The following FAM131C variants were observed in gnomAD, a reference collection of about 807,000 sequenced individuals.
FAM131C encodes the protein protein FAM131C.
FAM131C carries 14 observed loss-of-function variants against 29.8 expected under a neutral mutation model. The ratio of observed to expected loss-of-function variants is 0.47; its 90% CI spans 0.31 to 0.73. FAM131C has a LOEUF of 0.73. Among genes scored for constraint, FAM131C ranks in the 30% least tolerant of loss-of-function variants. The pLI, the probability that FAM131C is intolerant of heterozygous loss-of-function variation, is 0.05. For missense variants in FAM131C, 252 were observed against 383.8 expected (o/e 0.66, Z 2.87); for synonymous variants, 86 against 157.8 (o/e 0.54, Z 3.41).
chr1:16,063,587 G>T lies in FAM131C; in HGVS notation c.72C>A (p.Asp24Glu), dbSNP rs957660867. ...CCGAGGGCAGATCTGGGTTCAAGGG[G>T]TCCGCACCCTGGGGCATGGGGCAGT... ...HKNCPMPQGA[D>E]PLNPDLPSGR... The change falls in exon 2 of 7, where the codon GAC becomes GAA. Residue 24 changes from aspartate to glutamate, a missense_variant. Asp to Glu is a conservative substitution (Grantham distance 45). This residue lies in a region of FAM131C where 76 missense variants were observed against 62.8 expected (regional missense o/e 1.21). Transcript: ENST00000375662. 3.1e-6 allele frequency: 5 copies of T among 1,613,820 alleles called. No homozygotes were observed. Among genetic ancestry groups the T allele is most frequent in the African/African-American group, 2.7e-5 (2 of 75,020 alleles).
chr1:16,071,339 C>T (rs2023747065), intron 1 of FAM131C, among the ~76,000 whole-genome samples: 1 of 152,178 alleles, frequency 6.6e-6, no homozygotes, highest in African/African-American at 2.4e-5. Flanking sequence ...GCTGTGTGGC[C>T]CTGGACAAGT....
At position 16,062,123 on chromosome 1, in the gene FAM131C, C is replaced by T. The variant is rs2023603817; in HGVS notation, c.244G>A (p.Ala82Thr). 1 of 1,611,712 alleles carries T rather than the reference C, an allele frequency of 6.2e-7. No individual in the cohort carries two copies. The highest frequency in any genetic ancestry group is 1.1e-5 in the South Asian group (1 of 90,942). Residue 82 changes from alanine (A) to threonine (T), a missense_variant, in exon 4 of 7, where the codon GCC becomes ACC. By Grantham distance (58) the Ala-to-Thr change is moderately conservative. Coordinates refer to ENST00000375662, the MANE Select transcript of FAM131C (RefSeq NM_182623.3). ...CCCACAAGGGACGAGGTGGCCAGGGCTGCCACGTTGTAGTTGCCGGGGCGG... is the reference window on the plus strand; with the variant it reads ...CCCACAAGGGACGAGGTGGCCAGGGTTGCCACGTTGTAGTTGCCGGGGCGG... ...RSRPGNYNVA[A>T]LATSSLVGVV...
At chr1:16,070,914 C>T (rs889197753) in intron 1 of FAM131C, among the ~76,000 whole-genome samples, 1 of 152,242 alleles carries the variant, frequency 6.6e-6, no homozygotes, top group Admixed American at 6.5e-5. Flanking sequence ...ACTAGGCAGA[C>T]GCTAACTGCT....
chr1:16,060,016 G>C lies in FAM131C; in HGVS notation c.304C>G (p.Pro102Ala), dbSNP rs753763728. 1 of 1,519,022 alleles carries C rather than the reference G, an allele frequency of 6.6e-7. No homozygotes were observed. The highest frequency in any genetic ancestry group is 8.9e-7 in the Non-Finnish European group (1 of 1,119,026). 94.1% of individuals were successfully genotyped at this position (1,519,022 alleles called of 1,614,324 possible). The change falls in exon 5 of 7, where the codon CCC (proline) becomes GCC (alanine). Residue 102 changes from proline to alanine, a missense_variant. By Grantham distance (27) the Pro-to-Ala change is conservative. Transcript: ENST00000375662. ...ACGCGGCCTCGGGCCATGGCCGTGGGCTTTGTGATGTGGTCCTTGATGCTC... is the reference window on the plus strand; with the variant it reads ...ACGCGGCCTCGGGCCATGGCCGTGGCCTTTGTGATGTGGTCCTTGATGCTC... The part of the protein sequence containing the change: ...VQSIKDHITK[P>A]TAMARGRVAH...
intron 1 of FAM131C, among the ~76,000 whole-genome samples, chr1:16,068,579 G>A (rs769503379): frequency 6.6e-6 from 1 of 152,244 alleles, no homozygotes; most frequent in Non-Finnish European, 1.5e-5. Flanking sequence ...CACAGAGCTT[G>A]GCAGAGGCCA....
chr1:16,058,864 C>T (rs1441330392), intron 6 of FAM131C, 147 bp from the exon 7 acceptor site: 2 of 1,334,170 alleles, frequency 1.5e-6, no homozygotes, highest in African/African-American at 2.9e-5. Context: ...GGTCAAGTCA[C>T]CAAAACTCTG....
chr1:16,058,755 A>G (rs74054904), intron 6 of FAM131C, 38 bp from the exon 7 acceptor site: 761,687 of 1,261,996 alleles, frequency 0.6, 245,854 homozygotes, highest in South Asian at 0.71. Context: ...ATGGCGTCCC[A>G]GATCCAGCTC....
In FAM131C at chr1:16,063,543, G is replaced by T. The variant is rs771224691; in HGVS notation, c.116C>A (p.Ala39Asp). The T allele has an allele frequency of 3.5e-5, 56 of 1,613,656 alleles. No homozygotes were observed. The South Asian group carries it at 6.1e-4, about 18-fold the overall frequency. The part of the protein sequence containing the change: ...DLPSGRTPTV[A>D]PDCVIGKDKQ... ...TACCTTGCCAATGACACAGTCTGGA[G>T]CCACGGTGGGAGTGCGGCCCGAGGG... The change falls in exon 2 of 7, where the codon GCT becomes GAT. Residue 39 changes from alanine (A) to aspartate (D), a missense_variant. Transcript: ENST00000375662.
chr1:16,067,960 C>T (rs1010873933), intron 1 of FAM131C, among the ~76,000 whole-genome samples: 2 of 152,182 alleles, frequency 1.3e-5, no homozygotes, highest in South Asian at 2.1e-4. Flanking sequence ...AGAGAGGGAC[C>T]GTGTTTGACT....
At chr1:16,073,291 C>T (rs1557482382) in intron 1 of FAM131C, 130 bp downstream of exon 1, 1 of 440,396 alleles carries the variant, frequency 2.3e-6, no homozygotes, top group Non-Finnish European at 3.6e-6. Context: ...CTCAGGACGC[C>T]GCGTCCCCAG....
chr1:16,070,339 G>C (rs182745048), intron 1 of FAM131C, among the ~76,000 whole-genome samples: 8 of 152,356 alleles, frequency 5.3e-5, no homozygotes, highest in African/African-American at 1.7e-4. Context: ...AACAGCATTT[G>C]TTGCCTTAAT....
intron 1 of FAM131C, among the ~76,000 whole-genome samples, chr1:16,064,466 C>G (rs1283749891): frequency 6.6e-6 from 1 of 152,170 alleles, no homozygotes; most frequent in African/African-American, 2.4e-5. Context: ...CCTGCCCTCC[C>G]CCCAGAGGCT....
At chr1:16,063,481 C>A (rs773702204) in intron 2 of FAM131C, 40 bp downstream of exon 2, 2 of 1,497,278 alleles carry the variant, frequency 1.3e-6, no homozygotes, top group South Asian at 1.1e-5. Context: ...GGCCGGGAAC[C>A]GGGGCGCAGG....
At chr1:16,073,223 C>G (rs1008788515) in intron 1 of FAM131C, among the ~76,000 whole-genome samples, 198 bp downstream of exon 1, 1 of 152,104 alleles carries the variant, frequency 6.6e-6, no homozygotes, top group African/African-American at 2.4e-5. Context: ...ATGCGGTGAC[C>G]TCTGCACGTG....
chr1:16,058,280 A>G lies in FAM131C; in HGVS notation c.*157T>C, dbSNP rs2023515575. On this transcript the variant is annotated 3_prime_UTR_variant, in exon 7 of 7. Transcript: ENST00000375662. ...AGGTCCACCGAGGCACAGAGAGGCC[A>G]CCATGAGCACTGGCCCCATCCCTGC... is the stretch of plus-strand genomic sequence containing the variant. 1 of 591,796 alleles carries G rather than the reference A, an allele frequency of 1.7e-6. No homozygotes were observed. The highest frequency in any genetic ancestry group is 3.3e-5 in the East Asian group (1 of 30,378). The allele number at this position is 591,796 out of a possible 1,614,324, so 36.7% of individuals were successfully genotyped here.
intron 6 of FAM131C, among the ~76,000 whole-genome samples, chr1:16,059,052 C>T (rs1342209107): frequency 5.3e-5 from 8 of 151,910 alleles, no homozygotes; most frequent in Non-Finnish European, 1.2e-4. Context: ...CTCCTTGAAG[C>T]CCTCAGTAGT....
intron 1 of FAM131C, among the ~76,000 whole-genome samples, chr1:16,066,351 C>A (rs1181536876): frequency 1.3e-5 from 2 of 152,248 alleles, no homozygotes; most frequent in Non-Finnish European, 2.9e-5. Flanking sequence ...ATGACCCAGG[C>A]AGGCCTAAGG....
At chr1:16,063,239 G>C (rs541173910) in intron 2 of FAM131C, among the ~76,000 whole-genome samples, 2 of 151,506 alleles carry the variant, frequency 1.3e-5, no homozygotes, top group African/African-American at 4.8e-5. Context: ...CAGGAGTAGC[G>C]GGCTGGTAGC....
chr1:16,064,140 G>A (rs1455576701), intron 1 of FAM131C, among the ~76,000 whole-genome samples: 10 of 151,804 alleles, frequency 6.6e-5, no homozygotes, highest in Admixed American at 2.6e-4. Flanking sequence ...CCCGTGGGAC[G>A]CTGCCCGGAT....
Sources: gnomAD v4.1 joint callset for allele counts (sites outside exome capture counted in the v4.1 genomes callset) on GRCh38, gnomAD v4.1.1 for gene constraint, gnomAD v4.1.1 regional missense constraint, MANE v1.5 for transcripts, NCBI Gene and HGNC (gene_info 2026-07-23, HGNC 2026-07-21) for gene names.